The following COL23A1 variants were observed in gnomAD, a reference collection of about 807,000 sequenced individuals.
COL23A1 encodes the protein collagen type XXIII alpha 1 chain, also known as collagen alpha-1(XXIII) chain.
COL23A1 carries 97 observed loss-of-function variants against 99.3 expected under a neutral mutation model. That is an observed-to-expected ratio of 0.98 (90% CI 0.83 to 1.16). The LOEUF is 1.16. Among genes scored for constraint, COL23A1 ranks in the 50% most tolerant of loss-of-function variants. The probability of loss-of-function intolerance (pLI) is 0.00; values close to 1 mark genes in which losing one functional copy is unlikely to be tolerated. For synonymous variants in COL23A1, 320 were observed against 308.2 expected (o/e 1.04, Z -0.40); for missense variants, 762 against 757.4 (o/e 1.01, Z -0.07).
At chr5:178,259,415 C>A in intron 12 of COL23A1, among the ~76,000 whole-genome samples, 1 of 152,194 alleles carries the variant, frequency 6.6e-6, no homozygotes, top group East Asian at 1.9e-4. Context: ...GCCCCAGGAC[C>A]ACACTTTGAG....
In COL23A1 at chr5:178,517,529, C is replaced by T. The variant is rs1391744427; in HGVS notation, c.361+43153G>A. Among the ~76,000 whole-genome samples, 18 of 134,968 alleles carry T rather than the reference C, an allele frequency of 1.3e-4. No homozygotes were observed. The Admixed American group carries it at 1.4e-3, about 10-fold the overall frequency. The allele number at this position is 134,968 out of a possible 152,430, so 88.5% of individuals were successfully genotyped here. A position where few individuals can be genotyped will look rare whatever the true frequency, so the allele number is the denominator to read the frequency against. Reference sequence around the variant, plus strand: ...GTTCCCTTCTCTCCCTCAACTCTCTCTTAGGGCTCAGACTCTCGGTGACAG... The same window carrying T: ...GTTCCCTTCTCTCCCTCAACTCTCTTTTAGGGCTCAGACTCTCGGTGACAG... On this transcript the variant is annotated intron_variant, in intron 2 of 28. Transcript: ENST00000390654.
intron 2 of COL23A1, among the ~76,000 whole-genome samples, chr5:178,422,203 G>A (rs1765670915): frequency 6.6e-6 from 1 of 152,160 alleles, no homozygotes; most frequent in African/African-American, 2.4e-5. Context: ...CTCCGAGAAG[G>A]ACAGTTCCCA....
chr5:178,472,360 G>A (rs1284188176), intron 2 of COL23A1, among the ~76,000 whole-genome samples: 4 of 152,184 alleles, frequency 2.6e-5, no homozygotes, highest in African/African-American at 9.6e-5. Context: ...CTGGGGCCCA[G>A]AGCAGGTGGA....
intron 1 of COL23A1, among the ~76,000 whole-genome samples, chr5:178,561,443 C>T (rs262039): frequency 0.013 from 2,022 of 152,286 alleles, 25 homozygotes; most frequent in Middle Eastern, 0.044. Flanking sequence ...GGCACAGCTC[C>T]CCTACAATGC....
At chr5:178,476,086 T>C (rs939732467) in intron 2 of COL23A1, among the ~76,000 whole-genome samples, 1 of 152,256 alleles carries the variant, frequency 6.6e-6, no homozygotes, top group Non-Finnish European at 1.5e-5. Flanking sequence ...TAATCTGCCA[T>C]GTTGAATTCT....
At chr5:178,385,710 G>C (rs1041443488) in intron 2 of COL23A1, among the ~76,000 whole-genome samples, 2 of 152,136 alleles carry the variant, frequency 1.3e-5, no homozygotes, top group Non-Finnish European at 2.9e-5. Flanking sequence ...CTCACACCTG[G>C]GTTCACAGAG....
At chr5:178,571,984 C>T (rs1219987845) in intron 1 of COL23A1, among the ~76,000 whole-genome samples, 7 of 149,024 alleles carry the variant, frequency 4.7e-5, no homozygotes, top group Non-Finnish European at 5.9e-5. Context: ...AGGAGAATGG[C>T]GTGAACCTGA....
At chr5:178,545,563 T>G (rs1330217600) in intron 2 of COL23A1, among the ~76,000 whole-genome samples, 1 of 152,100 alleles carries the variant, frequency 6.6e-6, no homozygotes, top group Non-Finnish European at 1.5e-5. Flanking sequence ...GGCCTGCCAA[T>G]AACCTACAGG....
Position 178,306,778 on chromosome 5 carries a change from CA to C in COL23A1, c.406+96del. On this transcript the variant is annotated intron_variant, in intron 3 of 28. Coordinates refer to ENST00000390654, the MANE Select transcript of COL23A1 (RefSeq NM_173465.4). This position sits in a 1 kb window ranked among gnomAD's most constrained non-coding sequence, Gnocchi z 4.1. ...ACCTGCCCAGGACCAAGGCATGACT[CA>C]GGGTGGGCAGCAGGTGGCCAGGCCC... 1.1e-6 allele frequency: 1 copy of C among 901,930 alleles called. No homozygotes were observed. The highest frequency in any genetic ancestry group is 1.6e-6 in the Non-Finnish European group (1 of 629,442). 55.9% of individuals were successfully genotyped at this position (901,930 alleles called of 1,614,324 possible).
Position 178,306,953 on chromosome 5 carries a change from A to T in COL23A1, c.362-34T>A. On this transcript the variant is annotated intron_variant, in intron 2 of 28. Transcript: ENST00000390654. This position sits in a 1 kb window ranked among gnomAD's most constrained non-coding sequence, Gnocchi z 4.1. ...GAAAACAAGAATGCATTCATTGAGA[A>T]GGGAAGCCAGTGGACTTGGCTGCGT... 6.8e-6 allele frequency: 10 copies of T among 1,460,154 alleles called. No individual in the cohort carries two copies. Among genetic ancestry groups the T allele is most frequent in the Non-Finnish European group, 9.1e-6 (10 of 1,101,620 alleles). 90.4% of individuals were successfully genotyped at this position (1,460,154 alleles called of 1,614,324 possible). A position where few individuals can be genotyped will look rare whatever the true frequency, so the allele number is the denominator to read the frequency against.
In COL23A1 at chr5:178,256,392, C is replaced by A. The variant is rs779792676; in HGVS notation, c.843G>T (p.Glu281Asp). Reference sequence around the variant, plus strand: ...CTCCATCCGTGCCTCGGTGGCCAGGCTCCCCCTGTGGAGACATGCATTTGC... The same window carrying A: ...CTCCATCCGTGCCTCGGTGGCCAGGATCCCCCTGTGGAGACATGCATTTGC... ...GVDGAPGPKG[E>D]PGHRGTDGAA... The change falls in exon 15 of 29, where the codon GAG (glutamate) becomes GAT (aspartate). Residue 281 changes from glutamate (E) to aspartate (D), a missense_variant. Glu to Asp is a conservative substitution (Grantham distance 45). Transcript: ENST00000390654. 1.9e-6 allele frequency: 3 copies of A among 1,607,386 alleles called. No homozygotes were observed. In the South Asian group the frequency reaches 3.3e-5, roughly 18 times the overall value.
intron 2 of COL23A1, among the ~76,000 whole-genome samples, chr5:178,315,659 G>T (rs1268257540): frequency 6.6e-6 from 1 of 152,094 alleles, no homozygotes; most frequent in African/African-American, 2.4e-5. Context: ...GGCTGGTCAC[G>T]GTCTCCGGAT....
rs773891456 is a variant in COL23A1 at position 178,544,905 on chromosome 5, GAAC to G, written c.361+15774_361+15776del. 3.3e-5 allele frequency among the ~76,000 whole-genome samples: 5 copies of G among 152,158 alleles called. No homozygotes were observed. Among genetic ancestry groups the G allele is most frequent in the Admixed American group, 1.3e-4 (2 of 15,288 alleles). On this transcript the variant is annotated intron_variant, in intron 2 of 28. Coordinates refer to ENST00000390654, the MANE Select transcript of COL23A1 (RefSeq NM_173465.4). This position sits in a 1 kb window ranked among gnomAD's most constrained non-coding sequence, Gnocchi z 4.4. ...AGCAACACAGCAAACCCCGTCTCTA[GAAC>G]AACAACAACAAAAAAAGAAAAATTA...
chr5:178,242,223 CCT>C, intron 26 of COL23A1, 95 bp from the exon 27 acceptor site: 2 of 1,460,698 alleles, frequency 1.4e-6, no homozygotes, highest in African/African-American at 1.4e-5. Flanking sequence ...CCAGCCTCCC[CCT>C]GCCTCCGCCC....
At chr5:178,554,363 G>A (rs751013646) in intron 2 of COL23A1, among the ~76,000 whole-genome samples, 13 of 152,082 alleles carry the variant, frequency 8.5e-5, no homozygotes, top group Non-Finnish European at 1.5e-4. Flanking sequence ...ATTTTTAGTA[G>A]AGACGGGGTT....
At chr5:178,358,093 G>T (rs111217281) in intron 2 of COL23A1, among the ~76,000 whole-genome samples, 9,119 of 135,308 alleles carry the variant, frequency 0.067, 490 homozygotes, top group Middle Eastern at 0.19. Context: ...TACGTGTGTA[G>T]GTCTAATGTG....
intron 2 of COL23A1, among the ~76,000 whole-genome samples, chr5:178,321,481 T>C (rs571128856): frequency 9.2e-5 from 8 of 86,690 alleles, no homozygotes; most frequent in Admixed American, 2.2e-4. Context: ...TCACCTTCCC[T>C]TTTTTTTTTT....
chr5:178,459,271 A>G (rs1755982987), intron 2 of COL23A1, among the ~76,000 whole-genome samples: 1 of 152,190 alleles, frequency 6.6e-6, no homozygotes, highest in Non-Finnish European at 1.5e-5. Context: ...ACTTTTAAAT[A>G]TTTATACTAA....
chr5:178,562,736 T>TGGTGGGC (rs1554197569), intron 1 of COL23A1: 1 of 106,826 alleles, frequency 9.4e-6, no homozygotes, highest in African/African-American at 4.9e-5. Flanking sequence ...TGGCTGGTGG[T>TGGTGGGC]GGGGGGGGTG....
Sources: allele counts gnomAD v4.1 joint callset (sites outside exome capture counted in the v4.1 genomes callset), GRCh38; gene constraint gnomAD v4.1.1; non-coding constraint Gnocchi (gnomAD v3.1); transcripts MANE v1.5; gene names NCBI Gene and HGNC (gene_info 2026-07-23, HGNC 2026-07-21).